ATP5F1B: variants seen among roughly 807,000 people sequenced by gnomAD.
The protein encoded by ATP5F1B is ATP synthase F(1) complex subunit beta, mitochondrial.
A neutral mutation model predicts 45.9 loss-of-function variants in ATP5F1B; 17 were observed. The observed-to-expected ratio is 0.37, with a 90% CI of 0.25 to 0.56. The LOEUF (loss-of-function observed/expected upper bound fraction) is 0.56, where lower values mean the gene tolerates loss of function less well. Among genes scored for constraint, ATP5F1B ranks in the 20% least tolerant of loss-of-function variants. The probability of loss-of-function intolerance (pLI) is 0.80; values close to 1 mark genes in which losing one functional copy is unlikely to be tolerated. For missense variants in ATP5F1B, 387 were observed against 673.2 expected (o/e 0.57, Z 4.70); for synonymous variants, 218 against 256.5 (o/e 0.85, Z 1.43).
chr12:56,645,340 C>G lies in ATP5F1B; in HGVS notation c.141G>C (p.Ala47=). 1 of 1,613,858 alleles carries G rather than the reference C, an allele frequency of 6.2e-7. No homozygotes were observed. The highest frequency in any genetic ancestry group is 8.5e-7 in the Non-Finnish European group (1 of 1,179,860). ...CTTTTGGCGAAGGAGATGTTTGCGC[C>G]GCATAGTCCCTGACTAACAGACAAA... is the stretch of plus-strand genomic sequence containing the variant. ...PTAVHPVRDY[A]AQTSPSPKAG... Residue 47 remains alanine (A), a synonymous_variant, in exon 2 of 10, where the codon GCG becomes GCC. Coordinates refer to ENST00000262030, the MANE Select transcript of ATP5F1B (RefSeq NM_001686.4).
rs1951546616 is a variant in ATP5F1B, at chr12:56,645,923, G to A, written c.41C>T (p.Ser14Phe). The A allele has an allele frequency of 6.2e-7, 1 of 1,607,734 alleles. No homozygotes were observed. The highest frequency in any genetic ancestry group is 8.5e-7 in the Non-Finnish European group (1 of 1,177,702). ...AGGGGTGAGTCTCCGCAAGGCCCCGGAGGCCGGAGCAGCGGCCACCCGACC... is the reference window on the plus strand; with the variant it reads ...AGGGGTGAGTCTCCGCAAGGCCCCGAAGGCCGGAGCAGCGGCCACCCGACC... ...FVGRVAAAPA[S>F]GALRRLTPSA... The change falls in exon 1 of 10, where the codon TCC (serine) becomes TTC (phenylalanine). Residue 14 changes from serine (S) to phenylalanine (F), a missense_variant. Coordinates refer to ENST00000262030, the MANE Select transcript of ATP5F1B (RefSeq NM_001686.4).
rs1231644540 is a variant in ATP5F1B at position 56,642,565 on chromosome 12, C to T, written c.967G>A (p.Gly323Ser). The T allele has an allele frequency of 1.9e-6, 3 of 1,614,078 alleles. No homozygotes were observed. Among genetic ancestry groups the T allele is most frequent in the Admixed American group, 1.7e-5 (1 of 59,986 alleles). ...TAGCCCACAGCAGAAGGGATTCGGC[C>T]CAATAATGCAGACACCTAAAAGAAA... ...QAGSEVSALL[G>S]RIPSAVGYQP... The change falls in exon 7 of 10, where the codon GGC becomes AGC. Residue 323 changes from glycine to serine, a missense_variant. Gly to Ser is a moderately conservative substitution (Grantham distance 56). This residue lies in a region of ATP5F1B where 154 missense variants were observed against 361.4 expected (regional missense o/e 0.43). Coordinates refer to ENST00000262030, the MANE Select transcript of ATP5F1B (RefSeq NM_001686.4).
At chr12:56,640,230 A>AT in intron 7 of ATP5F1B, 38 bp from the exon 8 acceptor site, 1 of 1,533,562 alleles carries the variant, frequency 6.5e-7, no homozygotes, top group Non-Finnish European at 8.8e-7. Flanking sequence ...AACCAAAGTA[A>AT]ATTTTTTTTT....
Position 56,642,533 on chromosome 12 carries a change from A to G in ATP5F1B, c.999T>C (p.Pro333=), listed in dbSNP as rs1565848083. The change falls in exon 7 of 10, where the codon CCT becomes CCC. Residue 333 remains proline (P), a synonymous_variant. Coordinates refer to ENST00000262030, the MANE Select transcript of ATP5F1B (RefSeq NM_001686.4). ...TAGTACCCATGTCAGTGGCCAGGGT[A>G]GGCTGATAGCCCACAGCAGAAGGGA... The part of the protein sequence containing the change: ...GRIPSAVGYQ[P]TLATDMGTMQ... 6.2e-7 allele frequency: 1 copy of G among 1,614,142 alleles called. No homozygotes were observed. Among genetic ancestry groups the G allele is most frequent in the Non-Finnish European group, 8.5e-7 (1 of 1,180,030 alleles).
chr12:56,639,997 C>T lies in ATP5F1B; in HGVS notation c.1270G>A (p.Val424Met). 6.2e-7 allele frequency: 1 copy of T among 1,614,010 alleles called. No individual in the cohort carries two copies. Among genetic ancestry groups the T allele is most frequent in the Non-Finnish European group, 8.5e-7 (1 of 1,179,984 alleles). The change falls in exon 8 of 10, where the codon GTG becomes ATG. Residue 424 changes from valine to methionine, a missense_variant. By Grantham distance (21) the Val-to-Met change is conservative. Coordinates refer to ENST00000262030, the MANE Select transcript of ATP5F1B (RefSeq NM_001686.4). The stretch of plus-strand genomic sequence containing the variant: ...ATACTCACCTGCAGGATCTTTTGCA[C>T]CCCACGGGCAACATCGTAATGCTCA... ...GSEHYDVARGVQKILQDYKSL... is the reference protein window; with the variant it reads ...GSEHYDVARGMQKILQDYKSL...
intron 7 of ATP5F1B, 53 bp from the exon 8 acceptor site, chr12:56,640,245 T>C (rs1214033220): frequency 6.5e-7 from 1 of 1,533,218 alleles, no homozygotes; most frequent in African/African-American, 1.4e-5. Flanking sequence ...TTTTTTTTTT[T>C]TTTGAGAGGG....
chr12:56,638,400 G>A lies in ATP5F1B; in HGVS notation c.1513C>T (p.Gln505Ter). ...LAGEYDHLPE[Q>*]AFYMVGPIEE... ...ATGGGTCCCACCATATAGAAGGCCT[G>A]TTCTGGGAGATGGTCATATTCACCT... The change falls in exon 10 of 10, where the codon CAG becomes TAG. Residue 505 changes from glutamine (Q) to a stop codon, truncating the protein, a stop_gained. Transcript: ENST00000262030. LOFTEE classifies it high-confidence loss of function. 1 of 1,613,404 alleles carries A rather than the reference G, an allele frequency of 6.2e-7. No individual in the cohort carries two copies. The highest frequency in any genetic ancestry group is 8.5e-7 in the Non-Finnish European group (1 of 1,179,730).
intron 7 of ATP5F1B, among the ~76,000 whole-genome samples, chr12:56,640,812 CAAG>C (rs986868550): frequency 2.1e-5 from 3 of 143,534 alleles, no homozygotes; most frequent in African/African-American, 7.8e-5. Context: ...TTTGGGAGGC[CAAG>C]GAGGGCAGAT....
At chr12:56,638,875 G>A (rs1055124578) in intron 9 of ATP5F1B, among the ~76,000 whole-genome samples, 4 of 152,148 alleles carry the variant, frequency 2.6e-5, no homozygotes, top group Admixed American at 2.0e-4. Context: ...CAGCCTGGGC[G>A]ACAGAGACTC....
At position 56,639,986 on chromosome 12, in the gene ATP5F1B, G is replaced by T. The variant is rs758249534; in HGVS notation, c.1281C>A (p.Ile427=). The T allele has an allele frequency of 6.2e-7, 1 of 1,613,834 alleles. No homozygotes were observed. The highest frequency in any genetic ancestry group is 1.1e-5 in the South Asian group (1 of 91,056). Residue 427 remains isoleucine, a synonymous_variant, in exon 8 of 10, where the codon ATC becomes ATA. Coordinates refer to ENST00000262030, the MANE Select transcript of ATP5F1B (RefSeq NM_001686.4). The part of the protein sequence containing the change: ...HYDVARGVQK[I]LQDYKSLQDI... ...CACATAGTAATATACTCACCTGCAG[G>T]ATCTTTTGCACCCCACGGGCAACAT...
chr12:56,642,426 A>G (rs1028097410), intron 7 of ATP5F1B, 32 bp downstream of exon 7: 1 of 1,612,412 alleles, frequency 6.2e-7, no homozygotes, highest in Admixed American at 1.7e-5. Flanking sequence ...CCTTTATACA[A>G]ATCAGATCTT....
intron 1 of ATP5F1B, 75 bp from the exon 2 acceptor site, chr12:56,645,428 C>A (rs1951542279): frequency 6.8e-7 from 1 of 1,478,548 alleles, no homozygotes; most frequent in Non-Finnish European, 9.1e-7. Context: ...ACTTAACACA[C>A]AAGGAGAGGA....
intron 2 of ATP5F1B, 78 bp from the exon 3 acceptor site, chr12:56,645,033 C>G (rs1951539615): frequency 6.2e-7 from 1 of 1,608,404 alleles, no homozygotes; most frequent in Non-Finnish European, 8.5e-7. Flanking sequence ...GACTCCTTCT[C>G]AGTACCTAAA....
chr12:56,642,387 C>G, intron 7 of ATP5F1B, 71 bp downstream of exon 7: 1 of 1,592,496 alleles, frequency 6.3e-7, no homozygotes. Context: ...TCAGCCTCCT[C>G]AGTAGCTGAG....
At chr12:56,639,894 A>T in intron 8 of ATP5F1B, 86 bp downstream of exon 8, 1 of 1,412,536 alleles carries the variant, frequency 7.1e-7, no homozygotes, top group South Asian at 1.3e-5. Flanking sequence ...AAAACAAATC[A>T]CTAAGAAAGA....
Position 56,645,895 on chromosome 12 carries a change from T to C in ATP5F1B, c.69A>G (p.Ser23=), listed in dbSNP as rs1951546324. The C allele has an allele frequency of 1.2e-6, 2 of 1,608,132 alleles. No individual in the cohort carries two copies. Among genetic ancestry groups the C allele is most frequent in the South Asian group, 1.1e-5 (1 of 90,004 alleles). Residue 23 remains serine (S), a synonymous_variant, in exon 1 of 10, where the codon TCA becomes TCG. Coordinates refer to ENST00000262030, the MANE Select transcript of ATP5F1B (RefSeq NM_001686.4). ...ASGALRRLTP[S]ASLPPAQLLL... ...AGAGCTGAGCTGGGGGCAGCGACGCTGAAGGGGTGAGTCTCCGCAAGGCCC... is the reference window on the plus strand; with the variant it reads ...AGAGCTGAGCTGGGGGCAGCGACGCCGAAGGGGTGAGTCTCCGCAAGGCCC...
In ATP5F1B at chr12:56,644,920, T is replaced by C. The variant is rs1334227581; in HGVS notation, c.346A>G (p.Thr116Ala). Residue 116 changes from threonine (T) to alanine (A), a missense_variant, in exon 3 of 10, where the codon ACA becomes GCA. Transcript: ENST00000262030. The stretch of plus-strand genomic sequence containing the variant: ...TTCTGGCCTCTAACCAAGCCTTCTG[T>C]ACCATCCATAGCAATAGTCCTTACT... Reference protein sequence around the residue: ...STVRTIAMDGTEGLVRGQKVL... With the variant: ...STVRTIAMDGAEGLVRGQKVL... 1 of 1,614,082 alleles carries C rather than the reference T, an allele frequency of 6.2e-7. No individual in the cohort carries two copies. The highest frequency in any genetic ancestry group is 8.5e-7 in the Non-Finnish European group (1 of 1,180,054).
In ATP5F1B at chr12:56,638,398, C is replaced by T. The variant is rs1592643176; in HGVS notation, c.1515G>A (p.Gln505=). 1 of 1,613,470 alleles carries T rather than the reference C, an allele frequency of 6.2e-7. No individual in the cohort carries two copies. The highest frequency in any genetic ancestry group is 8.5e-7 in the Non-Finnish European group (1 of 1,179,856). The change falls in exon 10 of 10, where the codon CAG becomes CAA. Residue 505 remains glutamine (Q), a synonymous_variant. Coordinates refer to ENST00000262030, the MANE Select transcript of ATP5F1B (RefSeq NM_001686.4). ...CAATGGGTCCCACCATATAGAAGGCCTGTTCTGGGAGATGGTCATATTCAC... is the reference window on the plus strand; with the variant it reads ...CAATGGGTCCCACCATATAGAAGGCTTGTTCTGGGAGATGGTCATATTCAC... ...LAGEYDHLPE[Q]AFYMVGPIEE... is the part of the protein sequence containing the mutation.
At chr12:56,645,106 C>G in intron 2 of ATP5F1B, 65 bp downstream of exon 2, 1 of 1,609,174 alleles carries the variant, frequency 6.2e-7, no homozygotes, top group Non-Finnish European at 8.5e-7. Flanking sequence ...AGAAGGCAGA[C>G]AGCTTGGTTT....
Sources: allele counts gnomAD v4.1 joint callset (sites outside exome capture counted in the v4.1 genomes callset), GRCh38; gene constraint gnomAD v4.1.1; regional missense constraint gnomAD v4.1.1; transcripts MANE v1.5; gene names NCBI Gene and HGNC (gene_info 2026-07-23, HGNC 2026-07-21).